The following DRAM2 variants were observed in gnomAD, a reference collection of about 807,000 sequenced individuals.
DRAM2 encodes the protein DNA damage regulated autophagy modulator 2.
In DRAM2, 26 loss-of-function variants were observed where a neutral mutation model predicts 33.5. The ratio of observed to expected loss-of-function variants is 0.78; its 90% CI spans 0.57 to 1.08. The LOEUF (loss-of-function observed/expected upper bound fraction) is 1.08. Ranked by LOEUF, DRAM2 falls within the 50% of genes least tolerant of loss-of-function variation. The pLI, the probability that DRAM2 is intolerant of heterozygous loss-of-function variation, is 0.00. For missense variants in DRAM2, 311 were observed against 318.1 expected, an observed-to-expected ratio of 0.98 and a Z score of 0.17; for synonymous variants, 98 against 109.5, an observed-to-expected ratio of 0.89 and a Z score of 0.66.
chr1:111,124,343 AAAC>A (rs1421247217), intron 6 of DRAM2, among the ~76,000 whole-genome samples: 1 of 152,202 alleles, frequency 6.6e-6, no homozygotes, highest in Non-Finnish European at 1.5e-5. Context: ...GAAAACATCC[AAAC>A]AAGTAGATAA....
chr1:111,126,028 T>G (rs1356829629), intron 5 of DRAM2, among the ~76,000 whole-genome samples, 199 bp downstream of exon 5: 4 of 152,132 alleles, frequency 2.6e-5, no homozygotes, highest in Admixed American at 2.6e-4. Flanking sequence ...ACATATTTTT[T>G]TAAAGGTTTA....
chr1:111,124,753 C>T lies in DRAM2; in HGVS notation c.328G>A (p.Ala110Thr), dbSNP rs774377749. The change falls in exon 6 of 10, where the codon GCA (alanine) becomes ACA (threonine). Residue 110 changes from alanine to threonine, a missense_variant. Ala to Thr is a moderately conservative substitution (Grantham distance 58). Transcript: ENST00000484310. ...ILSCLGLSIV[A>T]NFQKTTLFAA... is the part of the protein sequence containing the mutation. The stretch of plus-strand genomic sequence containing the variant: ...GCTAAAACACAAACCTGGAAGTTTG[C>T]CACAATAGAAAGTCCTAAACAACTC... The T allele has an allele frequency of 1.5e-5, 25 of 1,613,040 alleles. No homozygotes were observed. The highest frequency in any genetic ancestry group is 1.1e-4 in the African/African-American group (8 of 74,836).
chr1:111,121,458 T>C (rs1263590814), intron 6 of DRAM2, among the ~76,000 whole-genome samples: 1 of 152,114 alleles, frequency 6.6e-6, no homozygotes, highest in African/African-American at 2.4e-5. Context: ...GTCACCCAGT[T>C]TGATATTTTA....
intron 7 of DRAM2, 112 bp downstream of exon 7, chr1:111,120,381 CAAAAAAAAAAAAAAAAAAAAAAA>C (rs200318036): frequency 0.016 from 2,695 of 172,558 alleles, 37 homozygotes; most frequent in Middle Eastern, 0.031. Flanking sequence ...ATCTCTCCTA[CAAAAAAAAAAAAAAAAAAAAAAA>C]AAAAAAAAAA....
Position 111,117,663 on chromosome 1 carries a change from C to A in DRAM2, c.*497G>T. On this transcript the variant is annotated 3_prime_UTR_variant, in exon 10 of 10. Coordinates refer to ENST00000484310, the MANE Select transcript of DRAM2 (RefSeq NM_001349884.2). ...TTTCCTTTACAGGTAGATTCCAGAA[C>A]AACAACAAAAAATGTAAGACTACAA... The A allele has an allele frequency of 6.4e-6, 1 of 155,846 alleles. No homozygotes were observed. The highest frequency in any genetic ancestry group is 1.4e-5 in the Non-Finnish European group (1 of 70,504). The allele number at this position is 155,846 out of a possible 1,614,324, so 9.7% of individuals were successfully genotyped here. A position where few individuals can be genotyped will look rare whatever the true frequency, so the allele number is the denominator to read the frequency against.
intron 4 of DRAM2, among the ~76,000 whole-genome samples, chr1:111,128,889 A>C (rs771118270): frequency 6.6e-6 from 1 of 152,228 alleles, no homozygotes; most frequent in African/African-American, 2.4e-5. Context: ...AAAGACCCTC[A>C]TGAATCTTAA....
intron 6 of DRAM2, among the ~76,000 whole-genome samples, chr1:111,122,862 T>A (rs1650304165): frequency 6.6e-6 from 1 of 152,106 alleles, no homozygotes; most frequent in Non-Finnish European, 1.5e-5. Flanking sequence ...TACACGGCCA[T>A]AAGTACTCTT....
At position 111,131,341 on chromosome 1, in the gene DRAM2, G is replaced by A. The variant is rs546333038; in HGVS notation, c.131+83C>T. 5 of 1,369,662 alleles carry A rather than the reference G, an allele frequency of 3.7e-6. No homozygotes were observed. In the East Asian group the frequency reaches 7.0e-5, roughly 19 times the overall value. The allele number at this position is 1,369,662 out of a possible 1,614,324, so 84.8% of individuals were successfully genotyped here. A position where few individuals can be genotyped will look rare whatever the true frequency, so the allele number is the denominator to read the frequency against. ...CCAATGTAAAATCTGATTTTTAAAA[G>A]GTTGACATTAAATGTTGACTTCAAT... On this transcript the variant is annotated intron_variant, in intron 4 of 9. Coordinates refer to ENST00000484310, the MANE Select transcript of DRAM2 (RefSeq NM_001349884.2).
At position 111,133,952 on chromosome 1, in the gene DRAM2, T is replaced by G. The variant is rs12137472; in HGVS notation, c.-14-2384A>C. On this transcript the variant is annotated intron_variant, in intron 3 of 9. Coordinates refer to ENST00000484310, the MANE Select transcript of DRAM2 (RefSeq NM_001349884.2). ...CCCCAACCAGGGCACTCATTACATTTAACTTGCTTGTTTGGTTTTCTCATC... is the reference window on the plus strand; with the variant it reads ...CCCCAACCAGGGCACTCATTACATTGAACTTGCTTGTTTGGTTTTCTCATC... Among the ~76,000 whole-genome samples, 405 of 152,328 alleles carry G rather than the reference T, an allele frequency of 2.7e-3. 1 individual carries two copies. The highest frequency in any genetic ancestry group is 6.8e-3 in the Middle Eastern group (2 of 294).
intron 4 of DRAM2, among the ~76,000 whole-genome samples, chr1:111,127,780 C>T (rs1391446212): frequency 2.0e-5 from 3 of 152,204 alleles, no homozygotes; most frequent in East Asian, 3.9e-4. Flanking sequence ...GAATGACATA[C>T]ACTGGCCTAC....
chr1:111,134,674 A>T (rs1410406458), intron 3 of DRAM2, among the ~76,000 whole-genome samples: 1 of 151,036 alleles, frequency 6.6e-6, no homozygotes, highest in Non-Finnish European at 1.5e-5. Context: ...TTCATTTTTC[A>T]TCTCTTTAAA....
chr1:111,128,106 G>A (rs1484139568), intron 4 of DRAM2: 1 of 139,016 alleles, frequency 7.2e-6, no homozygotes, highest in Non-Finnish European at 1.6e-5. Context: ...CACTGGGGCT[G>A]TTAACAGCTA....
chr1:111,119,564 G>T, intron 8 of DRAM2: 1 of 232,004 alleles, frequency 4.3e-6, no homozygotes, highest in East Asian at 9.2e-5. Context: ...CAGAAAACAA[G>T]TATTCAAAAC....
rs1467273114 is a variant in DRAM2 at position 111,126,172 on chromosome 1, G to A, written c.199+55C>T. ...AAGTAACACTCCAGTGTTGAAAGAA[G>A]AAAATACTGTAGCAATTTGGCTATT... On this transcript the variant is annotated intron_variant, in intron 5 of 9. Transcript: ENST00000484310. 5 of 1,162,174 alleles carry A rather than the reference G, an allele frequency of 4.3e-6. No individual in the cohort carries two copies. In the South Asian group the frequency reaches 5.0e-5, roughly 12 times the overall value. 72.0% of individuals were successfully genotyped at this position (1,162,174 alleles called of 1,614,324 possible).
chr1:111,127,816 C>G (rs145776786), intron 4 of DRAM2, among the ~76,000 whole-genome samples: 1 of 152,076 alleles, frequency 6.6e-6, no homozygotes, highest in African/African-American at 2.4e-5. Context: ...TGCCCATCAC[C>G]TCATTATCAT....
At chr1:111,136,649 T>C (rs1206903155) in intron 3 of DRAM2, among the ~76,000 whole-genome samples, 3 of 152,134 alleles carry the variant, frequency 2.0e-5, no homozygotes, top group Admixed American at 6.5e-5. Context: ...GATTGTACCA[T>C]CTGCTATAGC....
rs771734625 is a variant in DRAM2, at chr1:111,118,888, G to A, written c.610C>T (p.Leu204Phe). 2.5e-6 allele frequency: 4 copies of A among 1,607,424 alleles called. No homozygotes were observed. The East Asian group carries it at 6.7e-5, about 27-fold the overall frequency. The change falls in exon 9 of 10, where the codon CTT becomes TTT. Residue 204 changes from leucine to phenylalanine, a missense_variant. By Grantham distance (22) the Leu-to-Phe change is conservative. Transcript: ENST00000484310. ...TCTGCTGCAGTAGTGATCATGTGAAGCACATAACCCTGAGTGATGGGAAAA... is the reference window on the plus strand; with the variant it reads ...TCTGCTGCAGTAGTGATCATGTGAAACACATAACCCTGAGTGATGGGAAAA... The part of the protein sequence containing the change: ...HWNPEDKGYV[L>F]HMITTAAEWS...
intron 3 of DRAM2, among the ~76,000 whole-genome samples, chr1:111,134,196 C>A (rs754342972): frequency 6.6e-6 from 1 of 152,064 alleles, no homozygotes; most frequent in Non-Finnish European, 1.5e-5. Context: ...GGTACAAATT[C>A]ATGCTTTTAA....
rs115023804 is a variant in DRAM2 at position 111,121,540 on chromosome 1, C to T, written c.340-847G>A. 8.0e-3 allele frequency among the ~76,000 whole-genome samples: 1,214 copies of T among 152,158 alleles called. 16 individuals are homozygous for T. The highest frequency in any genetic ancestry group is 0.028 in the African/African-American group (1,164 of 41,514). ...TTTACTACTCTCCTTTGATAAATTT[C>T]GTATGAAGAAAAAAATTCCTCTAAG... On this transcript the variant is annotated intron_variant, in intron 6 of 9. Transcript: ENST00000484310.
Sources: allele counts gnomAD v4.1 joint callset (sites outside exome capture counted in the v4.1 genomes callset), GRCh38; gene constraint gnomAD v4.1.1; transcripts MANE v1.5; gene names NCBI Gene and HGNC (gene_info 2026-07-23, HGNC 2026-07-21).